ARHGAP39: variants seen among roughly 807,000 people sequenced by gnomAD.
The protein encoded by ARHGAP39 is rho GTPase-activating protein 39.
In ARHGAP39, 44 loss-of-function variants were observed where a neutral mutation model predicts 106.9. The ratio of observed to expected loss-of-function variants is 0.41; its 90% CI spans 0.32 to 0.53. ARHGAP39 has a LOEUF of 0.53. ARHGAP39 is among the 20% of genes least tolerant of loss of function. The pLI is 0.21. For missense variants in ARHGAP39, 1,496 were observed against 1,577.3 expected, an observed-to-expected ratio of 0.95 and a Z score of 0.87; for synonymous variants, 768 against 693.2, an observed-to-expected ratio of 1.11 and a Z score of -1.69.
chr8:144,530,272 C>T lies in ARHGAP39; in HGVS notation c.*150G>A, dbSNP rs1359528794. 1 of 847,654 alleles carries T rather than the reference C, an allele frequency of 1.2e-6. No individual in the cohort carries two copies. Among genetic ancestry groups the T allele is most frequent in the Non-Finnish European group, 1.8e-6 (1 of 560,300 alleles). The allele number at this position is 847,654 out of a possible 1,614,324, so 52.5% of individuals were successfully genotyped here. On this transcript the variant is annotated 3_prime_UTR_variant, in exon 12 of 12. Coordinates refer to ENST00000377307, the MANE Select transcript of ARHGAP39 (RefSeq NM_025251.3). Reference sequence around the variant, plus strand: ...CTGCACCCTCAGACCAGGCAGAAGACGTGGGGAGCGCCGGGGCCAGGGGCC... The same window carrying T: ...CTGCACCCTCAGACCAGGCAGAAGATGTGGGGAGCGCCGGGGCCAGGGGCC...
chr8:144,590,173 C>T (rs1337558477), intron 2 of ARHGAP39, among the ~76,000 whole-genome samples: 10 of 152,316 alleles, frequency 6.6e-5, no homozygotes, highest in African/African-American at 1.7e-4. Flanking sequence ...ATCGACACTG[C>T]GGTTGGGGCA....
At chr8:144,537,407 CCAAA>C (rs1401746729) in intron 7 of ARHGAP39, among the ~76,000 whole-genome samples, 4 of 152,058 alleles carry the variant, frequency 2.6e-5, no homozygotes, top group South Asian at 2.1e-4. Flanking sequence ...GGGGTCAGGC[CCAAA>C]CACTCACCTG....
intron 1 of ARHGAP39, among the ~76,000 whole-genome samples, chr8:144,623,997 G>A (rs1422871557): frequency 1.3e-5 from 2 of 152,220 alleles, no homozygotes; most frequent in South Asian, 2.1e-4. Flanking sequence ...AGCCTTGGGC[G>A]TCCCAGCTAA....
At chr8:144,606,538 T>C (rs1820297130) in intron 1 of ARHGAP39, among the ~76,000 whole-genome samples, 1 of 152,198 alleles carries the variant, frequency 6.6e-6, no homozygotes, top group African/African-American at 2.4e-5. Context: ...AAAATGCACG[T>C]GAATTGACTG....
chr8:144,601,143 T>TGCGA (rs1819902381), intron 2 of ARHGAP39, among the ~76,000 whole-genome samples: 2 of 141,912 alleles, frequency 1.4e-5, no homozygotes, highest in South Asian at 2.4e-4. Flanking sequence ...CGTGCATGTG[T>TGCGA]GCTCGTGTAC....
intron 1 of ARHGAP39, among the ~76,000 whole-genome samples, chr8:144,642,760 G>A (rs1405009165): frequency 6.6e-6 from 1 of 152,144 alleles, no homozygotes; most frequent in Non-Finnish European, 1.5e-5. Context: ...CCACGATGGT[G>A]AGGCCTCCCC....
chr8:144,627,063 C>T (rs1015201641), intron 1 of ARHGAP39, among the ~76,000 whole-genome samples: 1 of 152,256 alleles, frequency 6.6e-6, no homozygotes, highest in Admixed American at 6.5e-5. Context: ...AGACAGACCA[C>T]CTGGCACCTG....
chr8:144,622,263 G>A (rs112953765), intron 1 of ARHGAP39, among the ~76,000 whole-genome samples: 1 of 152,122 alleles, frequency 6.6e-6, no homozygotes, highest in African/African-American at 2.4e-5. Context: ...GGCCAAGGCT[G>A]AGGTGAGCTG....
intron 1 of ARHGAP39, chr8:144,605,917 G>A: frequency 2.4e-6 from 1 of 419,338 alleles, no homozygotes; most frequent in East Asian, 4.5e-5. Context: ...GGGAGGCTGT[G>A]CCCACCAGCC....
intron 1 of ARHGAP39, among the ~76,000 whole-genome samples, chr8:144,622,104 A>T (rs1820821388): frequency 6.6e-6 from 1 of 152,194 alleles, no homozygotes; most frequent in Admixed American, 6.5e-5. Flanking sequence ...CACAGAAAAC[A>T]CACACAAGAC....
rs1458187472 is a variant in ARHGAP39 at position 144,533,220 on chromosome 8, C to T, written c.2794G>A (p.Glu932Lys). 6.2e-7 allele frequency: 1 copy of T among 1,613,046 alleles called. No homozygotes were observed. The highest frequency in any genetic ancestry group is 1.1e-5 in the South Asian group (1 of 91,084). ...ALQEVMGMQRERYPERQLPWV... is the reference protein window; with the variant it reads ...ALQEVMGMQRKRYPERQLPWV... Reference sequence around the variant, plus strand: ...GGCAGCTGGCGCTCGGGGTAGCGCTCTCTCTGCATGCCCATGACCTCCTGC... The same window carrying T: ...GGCAGCTGGCGCTCGGGGTAGCGCTTTCTCTGCATGCCCATGACCTCCTGC... Residue 932 changes from glutamate (E) to lysine (K), a missense_variant, in exon 9 of 12, where the codon GAG becomes AAG. Glu to Lys is a moderately conservative substitution (Grantham distance 56, BLOSUM62 1). Coordinates refer to ENST00000377307, the MANE Select transcript of ARHGAP39 (RefSeq NM_025251.3).
the ARHGAP39 span, among the ~76,000 whole-genome samples, chr8:144,691,906 G>A: frequency 1.3e-5 from 2 of 152,024 alleles, no homozygotes; most frequent in Non-Finnish European, 2.9e-5. Context: ...ACGCAAGCAG[G>A]GGCCTAGTTT....
chr8:144,651,997 T>C (rs1821584913), intron 1 of ARHGAP39, among the ~76,000 whole-genome samples: 1 of 152,074 alleles, frequency 6.6e-6, no homozygotes, highest in Non-Finnish European at 1.5e-5. Flanking sequence ...AATACCATCC[T>C]AGACACAGGA....
intron 2 of ARHGAP39, among the ~76,000 whole-genome samples, chr8:144,588,411 C>T (rs979046572): frequency 7.9e-5 from 12 of 152,252 alleles, no homozygotes; most frequent in South Asian, 6.2e-4. Context: ...TCTGCACACA[C>T]GTATGTTAGC....
At position 144,641,934 on chromosome 8, in the gene ARHGAP39, T is replaced by C. The variant is rs1484666550; in HGVS notation, c.-81-36239A>G. Among the ~76,000 whole-genome samples the C allele has an allele frequency of 6.6e-6, 1 of 152,132 alleles. No individual in the cohort carries two copies. The highest frequency in any genetic ancestry group is 1.5e-5 in the Non-Finnish European group (1 of 68,028). On this transcript the variant is annotated intron_variant, in intron 1 of 11. Coordinates refer to ENST00000377307, the MANE Select transcript of ARHGAP39 (RefSeq NM_025251.3). The surrounding 1 kb of genome is among the most constrained non-coding windows in gnomAD (Gnocchi z 5.2). ...GCCCCTCGGCATACCCACCTGCAAA[T>C]CCAAACCTGGAGAGACAAAACTCTC... is the stretch of plus-strand genomic sequence containing the variant.
intron 3 of ARHGAP39, among the ~76,000 whole-genome samples, chr8:144,574,169 G>A (rs1357962885): frequency 1.4e-5 from 2 of 143,732 alleles, no homozygotes; most frequent in Non-Finnish European, 3.0e-5. Flanking sequence ...AAAAAAAAAG[G>A]GAAGAAGATG....
chr8:144,690,745 G>A (rs1822725225), upstream of ARHGAP39, among the ~76,000 whole-genome samples: 1 of 150,042 alleles, frequency 6.7e-6, no homozygotes, highest in South Asian at 2.1e-4. Flanking sequence ...CCTTGGCTCT[G>A]GTGATCCTCC....
rs1254097369 is a variant in ARHGAP39 at position 144,641,240 on chromosome 8, G to A, written c.-81-35545C>T. Among the ~76,000 whole-genome samples the A allele has an allele frequency of 2.0e-5, 3 of 151,998 alleles. No homozygotes were observed. The highest frequency in any genetic ancestry group is 2.1e-4 in the South Asian group (1 of 4,806). On this transcript the variant is annotated intron_variant, in intron 1 of 11. Coordinates refer to ENST00000377307, the MANE Select transcript of ARHGAP39 (RefSeq NM_025251.3). This position sits in a 1 kb window ranked among gnomAD's most constrained non-coding sequence, Gnocchi z 5.2. ...ATGACATCTGGGACCCTGGGGCACC[G>A]GTCTCTGGCCCTCAAGGCACCAGAG...
chr8:144,700,230 C>G, the ARHGAP39 span: 2 of 152,260 alleles, frequency 1.3e-5, no homozygotes, highest in African/African-American at 2.4e-5. The surrounding 1 kb of genome is among the most constrained non-coding windows in gnomAD (Gnocchi z 5.6). Context: ...ACCGCGGTGT[C>G]GGGTCCTACC....
Sources: allele counts gnomAD v4.1 joint callset (sites outside exome capture counted in the v4.1 genomes callset), GRCh38; gene constraint gnomAD v4.1.1; non-coding constraint Gnocchi (gnomAD v3.1); transcripts MANE v1.5; gene names NCBI Gene and HGNC (gene_info 2026-07-23, HGNC 2026-07-21).